LHFPL6: variants seen among roughly 807,000 people sequenced by gnomAD.
The protein encoded by LHFPL6 is LHFPL tetraspan subfamily member 6, also known as LHFPL tetraspan subfamily member 6 protein.
Under a neutral mutation model 20.6 loss-of-function variants are expected in LHFPL6, and 9 were observed. The ratio of observed to expected loss-of-function variants is 0.44; its 90% confidence interval spans 0.26 to 0.76. The LOEUF is 0.76. LHFPL6 is among the 30% of genes least tolerant of loss of function. The pLI, the probability that LHFPL6 is intolerant of heterozygous loss-of-function variation, is 0.20. For synonymous variants in LHFPL6, 105 were observed against 98.7 expected (o/e 1.06, Z -0.38); for missense variants, 218 against 253.5 (o/e 0.86, Z 0.95).
rs141378883 is a variant in LHFPL6 at position 39,356,124 on chromosome 13, G to A, written c.485-12070C>T. On this transcript the variant is annotated intron_variant, in intron 3 of 3. Transcript: ENST00000379589. ...TGCTAAGATTGACCACATGTTCAGC[G>A]ATAAAGCACGTCTCAATAAATTTTT... Among the ~76,000 whole-genome samples the A allele has an allele frequency of 2.8e-3, 423 of 152,264 alleles. 1 individual carries two copies. The highest frequency in any genetic ancestry group is 9.4e-3 in the African/African-American group (392 of 41,550).
chr13:39,519,454 G>T (rs1293692316), intron 2 of LHFPL6, among the ~76,000 whole-genome samples: 1 of 152,088 alleles, frequency 6.6e-6, no homozygotes, highest in East Asian at 1.9e-4. Context: ...CCAGATCACT[G>T]AGTGTTAAAA....
intron 2 of LHFPL6, among the ~76,000 whole-genome samples, chr13:39,503,160 A>C (rs1210430953): frequency 1.3e-5 from 2 of 152,178 alleles, no homozygotes. Context: ...GCTTACAGTG[A>C]CTTATAAATG....
At chr13:39,481,949 G>C (rs1868541539) in intron 2 of LHFPL6, among the ~76,000 whole-genome samples, 1 of 152,118 alleles carries the variant, frequency 6.6e-6, no homozygotes, top group South Asian at 2.1e-4. Flanking sequence ...TGCTAAGAGG[G>C]AACAGATTAT....
chr13:39,370,467 A>ACGG (rs1870136870), intron 3 of LHFPL6, among the ~76,000 whole-genome samples: 1 of 152,234 alleles, frequency 6.6e-6, no homozygotes. Context: ...TGCTGCATTA[A>ACGG]CGGCCTTAAA....
At chr13:39,468,907 G>T (rs535639463) in intron 2 of LHFPL6, among the ~76,000 whole-genome samples, 1 of 151,744 alleles carries the variant, frequency 6.6e-6, no homozygotes, top group Admixed American at 6.6e-5. Context: ...CCTGTATCAG[G>T]TTTGAATTGC....
chr13:39,502,361 G>A (rs1475356334), intron 2 of LHFPL6, among the ~76,000 whole-genome samples: 8 of 152,016 alleles, frequency 5.3e-5, no homozygotes, highest in African/African-American at 1.7e-4. Context: ...GCTCACACCT[G>A]TAATCGCAGC....
At chr13:39,493,490 T>C (rs1418088381) in intron 2 of LHFPL6, among the ~76,000 whole-genome samples, 1 of 152,014 alleles carries the variant, frequency 6.6e-6, no homozygotes, top group East Asian at 1.9e-4. Context: ...TATGAAAAAA[T>C]TGAAATGAGA....
chr13:39,581,810 C>G (rs1167861039), intron 2 of LHFPL6, among the ~76,000 whole-genome samples: 4 of 152,112 alleles, frequency 2.6e-5, no homozygotes, highest in Admixed American at 2.6e-4. Context: ...GCAGCTGGCA[C>G]TATCTGAGGG....
At chr13:39,375,132 G>A (rs973369852) in intron 3 of LHFPL6, among the ~76,000 whole-genome samples, 2 of 152,186 alleles carry the variant, frequency 1.3e-5, no homozygotes, top group Non-Finnish European at 2.9e-5. Context: ...TCTACGTGCT[G>A]TCTCCCTTGA....
chr13:39,548,868 G>A (rs73175200), intron 2 of LHFPL6, among the ~76,000 whole-genome samples: 66 of 152,154 alleles, frequency 4.3e-4, no homozygotes, highest in Non-Finnish European at 8.4e-4. Flanking sequence ...AGCCACTCTG[G>A]AAGCATCAAA....
At position 39,601,079 on chromosome 13, in the gene LHFPL6, G is replaced by A; in HGVS notation, c.138C>T (p.Thr46=). Residue 46 remains threonine, a synonymous_variant, in exon 2 of 4, where the codon ACC becomes ACT. Transcript: ENST00000379589. ...SQLGKPVSFG[T]FRRCSYPVHD... is the part of the protein sequence containing the mutation. ...GCACAGGATATGAGCACCTCCGGAAGGTACCGAAGGACACAGGCTTGCCCA... is the reference window on the plus strand; with the variant it reads ...GCACAGGATATGAGCACCTCCGGAAAGTACCGAAGGACACAGGCTTGCCCA... The A allele has an allele frequency of 6.2e-7, 1 of 1,614,202 alleles. No individual in the cohort carries two copies. Among genetic ancestry groups the A allele is most frequent in the Non-Finnish European group, 8.5e-7 (1 of 1,180,042 alleles).
At chr13:39,375,325 T>G (rs1270817703) in intron 3 of LHFPL6, among the ~76,000 whole-genome samples, 1 of 152,176 alleles carries the variant, frequency 6.6e-6, no homozygotes, top group East Asian at 1.9e-4. Flanking sequence ...CTTCACTAGG[T>G]AACTGAAGCT....
At chr13:39,546,979 T>C (rs191735531) in intron 2 of LHFPL6, among the ~76,000 whole-genome samples, 1 of 152,202 alleles carries the variant, frequency 6.6e-6, no homozygotes, top group Admixed American at 6.5e-5. Flanking sequence ...TTTCAGACTC[T>C]GCCTCTGCCT....
At chr13:39,397,597 A>C (rs1870876270) in intron 2 of LHFPL6, among the ~76,000 whole-genome samples, 1 of 152,212 alleles carries the variant, frequency 6.6e-6, no homozygotes, top group Admixed American at 6.5e-5. Context: ...TTCCTCTGGC[A>C]TCTCAGGGTT....
chr13:39,503,717 A>C (rs1372916948), intron 2 of LHFPL6, among the ~76,000 whole-genome samples: 1 of 152,246 alleles, frequency 6.6e-6, no homozygotes, highest in East Asian at 1.9e-4. Context: ...ATGTCTGTAC[A>C]CTGATATTCT....
intron 2 of LHFPL6, among the ~76,000 whole-genome samples, chr13:39,459,194 A>ATGTGTGTGTGTGTGTGTGTGTGTGTG (rs58955444): frequency 1.5e-5 from 2 of 135,982 alleles, no homozygotes; most frequent in African/African-American, 5.5e-5. Flanking sequence ...AAGTTCCTTA[A>ATGTGTGTGTGTGTGTGTGTGTGTGTG]TGTGTGTGTG....
At chr13:39,512,219 T>G (rs1003900957) in intron 2 of LHFPL6, among the ~76,000 whole-genome samples, 5 of 152,212 alleles carry the variant, frequency 3.3e-5, no homozygotes, top group Admixed American at 2.0e-4. Context: ...CATCTCACCG[T>G]CATTCTGCAG....
At chr13:39,562,401 T>TATATACAC (rs1427575613) in intron 2 of LHFPL6, among the ~76,000 whole-genome samples, 8 of 29,074 alleles carry the variant, frequency 2.8e-4, no homozygotes, top group Admixed American at 2.3e-3. Context: ...TATATATACA[T>TATATACAC]ATATACACAT....
intron 3 of LHFPL6, among the ~76,000 whole-genome samples, chr13:39,370,136 C>T (rs1870127563): frequency 6.6e-6 from 1 of 152,106 alleles, no homozygotes; most frequent in Non-Finnish European, 1.5e-5. Context: ...ACCAGAAAAG[C>T]TTATTATTGT....
Sources: allele counts gnomAD v4.1 joint callset (sites outside exome capture counted in the v4.1 genomes callset), GRCh38; gene constraint gnomAD v4.1.1; transcripts MANE v1.5; gene names NCBI Gene and HGNC (gene_info 2026-07-23, HGNC 2026-07-21).